Variants in OLFM3 observed in about 807,000 individuals in gnomAD.
OLFM3 encodes noelin-3.
Under a neutral mutation model 48.6 loss-of-function variants are expected in OLFM3, and 20 were observed. That is an observed-to-expected ratio of 0.41 (90% CI 0.29 to 0.60). The LOEUF is 0.60. OLFM3 is among the 20% of genes least tolerant of loss of function. The pLI, the probability that OLFM3 is intolerant of heterozygous loss-of-function variation, is 0.28. For missense variants in OLFM3, 437 were observed against 544.3 expected, an observed-to-expected ratio of 0.80 and a Z score of 1.96; for synonymous variants, 222 against 198.1, an observed-to-expected ratio of 1.12 and a Z score of -1.01.
At chr1:101,874,276 G>A (rs898413459) in intron 1 of OLFM3, among the ~76,000 whole-genome samples, 1 of 151,808 alleles carries the variant, frequency 6.6e-6, no homozygotes, top group Non-Finnish European at 1.5e-5. Context: ...AACCCAGAGG[G>A]AAACTGGGAG....
intron 1 of OLFM3, chr1:101,847,125 T>G: frequency 1.1e-6 from 1 of 935,978 alleles, no homozygotes; most frequent in Non-Finnish European, 1.3e-6. Flanking sequence ...CGGAACCTCC[T>G]TCCCCCATCC....
intron 1 of OLFM3, among the ~76,000 whole-genome samples, chr1:101,853,664 T>A (rs1404813341): frequency 1.3e-5 from 2 of 152,102 alleles, no homozygotes; most frequent in Non-Finnish European, 2.9e-5. Context: ...TGGCCTGCTC[T>A]CAGATTAAAA....
intron 1 of OLFM3, among the ~76,000 whole-genome samples, chr1:101,966,180 T>G (rs1660602030): frequency 6.6e-6 from 1 of 152,160 alleles, no homozygotes; most frequent in Non-Finnish European, 1.5e-5. Context: ...ATTTATTACT[T>G]TATTCATTTT....
intron 1 of OLFM3, among the ~76,000 whole-genome samples, chr1:101,844,261 T>C (rs961796089): frequency 6.6e-6 from 1 of 152,158 alleles, no homozygotes; most frequent in Non-Finnish European, 1.5e-5. Flanking sequence ...TATGACATAA[T>C]TGAGAGTATA....
intron 1 of OLFM3, among the ~76,000 whole-genome samples, chr1:101,891,386 T>C (rs1025339222): frequency 1.3e-5 from 2 of 151,780 alleles, no homozygotes; most frequent in African/African-American, 4.8e-5. Flanking sequence ...ATAAGGGAGG[T>C]AGATACTATA....
chr1:101,838,202 G>A (rs1378853577), intron 1 of OLFM3, among the ~76,000 whole-genome samples: 1 of 152,004 alleles, frequency 6.6e-6, no homozygotes, highest in African/African-American at 2.4e-5. Context: ...GGGATTACAG[G>A]CATGTGTCAC....
chr1:101,866,623 T>C (rs563623440), intron 1 of OLFM3, among the ~76,000 whole-genome samples: 19 of 152,294 alleles, frequency 1.2e-4, no homozygotes, highest in Admixed American at 5.9e-4. Flanking sequence ...CATTTAATAG[T>C]ACTTAATATA....
intron 1 of OLFM3, among the ~76,000 whole-genome samples, chr1:101,932,924 C>T (rs1278327216): frequency 6.6e-6 from 1 of 152,026 alleles, no homozygotes; most frequent in African/African-American, 2.4e-5. Context: ...ATACAAGAGG[C>T]CGGGCATGGT....
chr1:101,861,661 T>C (rs1213436564), intron 1 of OLFM3, among the ~76,000 whole-genome samples: 1 of 152,218 alleles, frequency 6.6e-6, no homozygotes, highest in Non-Finnish European at 1.5e-5. Context: ...TTAGTTTCTT[T>C]TGAAGCTTCA....
intron 1 of OLFM3, among the ~76,000 whole-genome samples, chr1:101,993,257 G>A (rs1661465927): frequency 6.6e-6 from 1 of 151,960 alleles, no homozygotes; most frequent in South Asian, 2.1e-4. Flanking sequence ...TGATTCACAG[G>A]GATTACTGTT....
At chr1:101,903,325 G>A (rs572213058) in intron 1 of OLFM3, among the ~76,000 whole-genome samples, 6 of 152,118 alleles carry the variant, frequency 3.9e-5, no homozygotes, top group African/African-American at 1.4e-4. Flanking sequence ...GTATTAGAGA[G>A]GAGTTTAATT....
intron 1 of OLFM3, among the ~76,000 whole-genome samples, chr1:101,935,853 T>A (rs1019819656): frequency 6.6e-6 from 1 of 152,088 alleles, no homozygotes; most frequent in African/African-American, 2.4e-5. Context: ...ATCTCATAAA[T>A]AGAATTTAAA....
At chr1:101,877,699 T>C (rs1458334568) in intron 1 of OLFM3, among the ~76,000 whole-genome samples, 1 of 151,728 alleles carries the variant, frequency 6.6e-6, no homozygotes, top group Non-Finnish European at 1.5e-5. Context: ...ATGCAAAAAA[T>C]AATTTTAGTA....
chr1:101,860,067 G>A (rs184428847), intron 1 of OLFM3: 7 of 152,216 alleles, frequency 4.6e-5, no homozygotes, highest in African/African-American at 1.4e-4. Flanking sequence ...GCTAATGTGT[G>A]TAGACAATAA....
Position 101,984,645 on chromosome 1 carries a change from C to G in OLFM3, c.69+12103G>C, listed in dbSNP as rs562841091. Reference sequence around the variant, plus strand: ...AAACTCCTGACCTCAGGTGATCCACCCACCTAGGCCTCCCAAAGTGCTGGG... The same window carrying G: ...AAACTCCTGACCTCAGGTGATCCACGCACCTAGGCCTCCCAAAGTGCTGGG... On this transcript the variant is annotated intron_variant, in intron 1 of 5. Coordinates refer to ENST00000370103, the MANE Select transcript of OLFM3 (RefSeq NM_058170.4). 3.3e-5 allele frequency among the ~76,000 whole-genome samples: 5 copies of G among 152,288 alleles called. No individual in the cohort carries two copies. In the South Asian group the frequency reaches 1.0e-3, roughly 32 times the overall value.
At chr1:101,990,989 TAAAAAAAAAAAAAAA>T (rs58481588) in intron 1 of OLFM3, among the ~76,000 whole-genome samples, 2 of 8,902 alleles carry the variant, frequency 2.2e-4, no homozygotes, top group Non-Finnish European at 5.0e-4. Context: ...TGTCAAAAAG[TAAAAAAAAAAAAAAA>T]AAAAAAAAAA....
intron 1 of OLFM3, among the ~76,000 whole-genome samples, chr1:101,914,634 GAAATTGT>G (rs1330135249): frequency 6.6e-6 from 1 of 152,166 alleles, no homozygotes; most frequent in Non-Finnish European, 1.5e-5. Flanking sequence ...TATAATGCTG[GAAATTGT>G]TCAAGAGTGA....
At chr1:101,958,073 T>C (rs1660351901) in intron 1 of OLFM3, among the ~76,000 whole-genome samples, 2 of 152,078 alleles carry the variant, frequency 1.3e-5, no homozygotes, top group Non-Finnish European at 2.9e-5. Context: ...ATGGCTTATA[T>C]CACCTATTCT....
chr1:101,976,293 A>G (rs1660950332), intron 1 of OLFM3, among the ~76,000 whole-genome samples: 1 of 152,204 alleles, frequency 6.6e-6, no homozygotes, highest in Admixed American at 6.5e-5. Flanking sequence ...CTGACCTGGT[A>G]TTATCAGTAG....
Sources: allele counts gnomAD v4.1 joint callset (sites outside exome capture counted in the v4.1 genomes callset), GRCh38; gene constraint gnomAD v4.1.1; transcripts MANE v1.5; gene names NCBI Gene and HGNC (gene_info 2026-07-23, HGNC 2026-07-21).